Variants in AMOTL1 observed in about 807,000 individuals in gnomAD.
AMOTL1 encodes the protein angiomotin-like protein 1.
In AMOTL1, 45 loss-of-function variants were observed where a neutral mutation model predicts 102.9. The observed-to-expected ratio is 0.44, with a 90% CI of 0.34 to 0.56. The LOEUF (loss-of-function observed/expected upper bound fraction) is 0.56, where lower values mean the gene tolerates loss of function less well. Among genes scored for constraint, AMOTL1 ranks in the 20% least tolerant of loss-of-function variants. AMOTL1 has a pLI of 0.01. For synonymous variants in AMOTL1, 481 were observed against 484.7 expected (o/e 0.99, Z 0.10); for missense variants, 1,114 against 1,225.6 (o/e 0.91, Z 1.36).
chr11:94,763,947 A>T (rs1369894520), upstream of AMOTL1, among the ~76,000 whole-genome samples: 1 of 152,228 alleles, frequency 6.6e-6, no homozygotes, highest in Non-Finnish European at 1.5e-5. Flanking sequence ...CCTGGTGATT[A>T]TATAGGGGTT....
intron 1 of AMOTL1, among the ~76,000 whole-genome samples, chr11:94,720,646 T>G (rs1163357742): frequency 2.0e-5 from 3 of 152,092 alleles, no homozygotes; most frequent in Non-Finnish European, 4.4e-5. Flanking sequence ...TTCTTTTGTG[T>G]GTGTCTTTTG....
chr11:94,866,296 A>G (rs1463047225), intron 11 of AMOTL1, 128 bp downstream of exon 11: 2 of 898,542 alleles, frequency 2.2e-6, no homozygotes, highest in Admixed American at 2.5e-5. Context: ...TGAAGTGGGG[A>G]GGGAAATCAG....
chr11:94,819,625 A>G (rs1392872797), intron 3 of AMOTL1, among the ~76,000 whole-genome samples: 4 of 152,170 alleles, frequency 2.6e-5, no homozygotes, highest in Non-Finnish European at 5.9e-5. Context: ...TTTCCAGACC[A>G]AACCAATGTT....
In AMOTL1 at chr11:94,850,234, C is replaced by A. The variant is rs1178084280; in HGVS notation, c.1769C>A (p.Ala590Asp). 1.3e-6 allele frequency: 2 copies of A among 1,595,386 alleles called. No individual in the cohort carries two copies. The highest frequency in any genetic ancestry group is 2.3e-5 in the East Asian group (1 of 44,304). Residue 590 changes from alanine (A) to aspartate (D), a missense_variant, in exon 7 of 13, where the codon GCC becomes GAC. Ala to Asp is a moderately radical substitution (Grantham distance 126). Transcript: ENST00000433060. ...GACCAGGCTTTGAGCAACGCCCAGG[C>A]CAGGGTCATCAAGCTGGAAGAGGAG... is the stretch of plus-strand genomic sequence containing the variant. The part of the protein sequence containing the change: ...ILDQALSNAQ[A>D]RVIKLEEELR...
chr11:94,750,955 G>A (rs1191440358), intron 3 of AMOTL1, among the ~76,000 whole-genome samples: 1 of 152,158 alleles, frequency 6.6e-6, no homozygotes, highest in East Asian at 1.9e-4. Flanking sequence ...TCTAAAGGAG[G>A]AAACAGAGGC....
At chr11:94,833,292 C>T (rs1159833687) in intron 6 of AMOTL1, among the ~76,000 whole-genome samples, 1 of 152,150 alleles carries the variant, frequency 6.6e-6, no homozygotes, top group Non-Finnish European at 1.5e-5. Context: ...CACTTTGTGC[C>T]TTCACAGCTT....
rs181570903 is a variant in AMOTL1 at position 94,834,137 on chromosome 11, C to G, written c.1648+2596C>G. ...CCTAGTTATTAATGTGTTCCATTAT[C>G]TGTATATTTGTTCAGAAACCCTATT... On this transcript the variant is annotated intron_variant, in intron 6 of 12. Coordinates refer to ENST00000433060, the MANE Select transcript of AMOTL1 (RefSeq NM_130847.3). 1.3e-3 allele frequency among the ~76,000 whole-genome samples: 204 copies of G among 152,252 alleles called. 1 individual carries two copies. Among genetic ancestry groups the G allele is most frequent in the African/African-American group, 4.6e-3 (192 of 41,548 alleles).
In AMOTL1 at chr11:94,873,781, A is replaced by ACACACGCACG. The variant is rs542380013; in HGVS notation, c.*2991_*2992insGCACGCACAC. On this transcript the variant is annotated 3_prime_UTR_variant, in exon 13 of 13. Transcript: ENST00000433060. ...TGTGTGTGTGCACGTGTAACTACACACACACACACACACACACACACACAC... is the reference window on the plus strand; with the variant it reads ...TGTGTGTGTGCACGTGTAACTACACACACACGCACGCACACACACACACACACACACACAC... 8.4e-6 allele frequency: 1 copy of ACACACGCACG among 119,448 alleles called. No individual in the cohort carries two copies. The allele number at this position is 119,448 out of a possible 1,614,324, so 7.4% of individuals were successfully genotyped here.
chr11:94,799,470 G>T lies in AMOTL1; in HGVS notation c.280G>T (p.Ala94Ser). The change falls in exon 3 of 13, where the codon GCA becomes TCA. Residue 94 changes from alanine (A) to serine (S), a missense_variant. Physicochemically the swap from Ala to Ser is moderately conservative, Grantham distance 99 (BLOSUM62 1). Coordinates refer to ENST00000433060, the MANE Select transcript of AMOTL1 (RefSeq NM_130847.3). This position sits in a 1 kb window ranked among gnomAD's most constrained non-coding sequence, Gnocchi z 4.5. ...EVEMRGSEDA[A>S]AGTVLQRLIQ... ...GGAAATGAGAGGTTCCGAGGATGCG[G>T]CAGCTGGAACAGTATTGCAGCGGCT... 1 of 1,610,326 alleles carries T rather than the reference G, an allele frequency of 6.2e-7. No homozygotes were observed. Among genetic ancestry groups the T allele is most frequent in the Non-Finnish European group, 8.5e-7 (1 of 1,178,266 alleles).
chr11:94,799,311 T>A lies in AMOTL1; in HGVS notation c.200-79T>A. The A allele has an allele frequency of 8.6e-7, 1 of 1,165,432 alleles. No individual in the cohort carries two copies. Among genetic ancestry groups the A allele is most frequent in the Non-Finnish European group, 1.2e-6 (1 of 841,220 alleles). The allele number at this position is 1,165,432 out of a possible 1,614,324, so 72.2% of individuals were successfully genotyped here. ...TTAAATGTTGCTGTAGTTAGAATGT[T>A]AATTATGTACCACATAGTCACAGAC... On this transcript the variant is annotated intron_variant, in intron 2 of 12. Transcript: ENST00000433060. The surrounding 1 kb of genome is among the most constrained non-coding windows in gnomAD (Gnocchi z 4.5).
At chr11:94,756,231 G>C (rs899128595) in intron 3 of AMOTL1, among the ~76,000 whole-genome samples, 27 of 152,094 alleles carry the variant, frequency 1.8e-4, no homozygotes, top group African/African-American at 6.0e-4. Context: ...GCACAGGATG[G>C]GGGGCGTGGC....
rs546848521 is a variant in AMOTL1 at position 94,799,038 on chromosome 11, T to G, written c.200-352T>G. 4.6e-5 allele frequency among the ~76,000 whole-genome samples: 7 copies of G among 152,026 alleles called. No homozygotes were observed. Among genetic ancestry groups the G allele is most frequent in the African/African-American group, 1.2e-4 (5 of 41,456 alleles). Reference sequence around the variant, plus strand: ...GGAGGGCCAAGAAAAGGTGGTTTCTTTTGGTTTGATTTTGGTTTTCTCTTG... The same window carrying G: ...GGAGGGCCAAGAAAAGGTGGTTTCTGTTGGTTTGATTTTGGTTTTCTCTTG... On this transcript the variant is annotated intron_variant, in intron 2 of 12. Transcript: ENST00000433060. This position sits in a 1 kb window ranked among gnomAD's most constrained non-coding sequence, Gnocchi z 4.5.
chr11:94,850,380 G>C, intron 7 of AMOTL1, 121 bp downstream of exon 7: 2 of 1,290,500 alleles, frequency 1.5e-6, no homozygotes, highest in Non-Finnish European at 2.1e-6. Context: ...TGAGACAGGG[G>C]AGGGATATGG....
chr11:94,726,303 A>C (rs1183077305), intron 1 of AMOTL1, among the ~76,000 whole-genome samples: 1 of 152,166 alleles, frequency 6.6e-6, no homozygotes, highest in Non-Finnish European at 1.5e-5. Context: ...ATCTCCTTTG[A>C]GAGCTTTATG....
upstream of AMOTL1, among the ~76,000 whole-genome samples, chr11:94,764,405 C>T (rs535090621): frequency 1.3e-5 from 2 of 152,294 alleles, no homozygotes; most frequent in East Asian, 1.9e-4. Flanking sequence ...ATAAGTTACA[C>T]TTCAGAAAGT....
At chr11:94,868,067 C>T (rs1952918765) in intron 11 of AMOTL1, among the ~76,000 whole-genome samples, 2 of 152,228 alleles carry the variant, frequency 1.3e-5, no homozygotes, top group South Asian at 4.1e-4. Flanking sequence ...GGCACCAGCA[C>T]CATCTGGGAG....
chr11:94,797,116 T>G, intron 2 of AMOTL1: 1 of 761,114 alleles, frequency 1.3e-6, no homozygotes, highest in Non-Finnish European at 1.6e-6. Context: ...AAGATTGTTT[T>G]GGGAAAATGA....
chr11:94,735,613 A>C (rs1278980523), intron 2 of AMOTL1, among the ~76,000 whole-genome samples: 1 of 152,142 alleles, frequency 6.6e-6, no homozygotes, highest in Non-Finnish European at 1.5e-5. Flanking sequence ...GTGGAGCAAA[A>C]TTTCATTTAG....
intron 3 of AMOTL1, among the ~76,000 whole-genome samples, chr11:94,804,455 T>A (rs2135582301): frequency 6.6e-6 from 1 of 152,242 alleles, no homozygotes; most frequent in South Asian, 2.1e-4. Flanking sequence ...GCCCAACTAT[T>A]TTTGTAATTC....
Sources: allele counts gnomAD v4.1 joint callset (sites outside exome capture counted in the v4.1 genomes callset), GRCh38; gene constraint gnomAD v4.1.1; non-coding constraint Gnocchi (gnomAD v3.1); transcripts MANE v1.5; gene names NCBI Gene and HGNC (gene_info 2026-07-23, HGNC 2026-07-21).